The following RPL5 variants were observed in gnomAD, a reference collection of about 807,000 sequenced individuals.
RPL5 encodes the protein ribosomal protein L5, also known as large ribosomal subunit protein uL18.
A neutral mutation model predicts 38.4 loss-of-function variants in RPL5; 1 was observed. That is an observed-to-expected ratio of 0.03 (90% CI 0.01 to 0.12). RPL5 has a LOEUF of 0.12. Among genes scored for constraint, RPL5 ranks in the 10% least tolerant of loss-of-function variants. RPL5 has a pLI of 1.00. For synonymous variants in RPL5, 109 were observed against 121.2 expected (o/e 0.90, Z 0.66); for missense variants, 243 against 374.1 (o/e 0.65, Z 2.89).
intron 1 of RPL5, 130 bp from the exon 2 acceptor site, chr1:92,833,259 G>C: frequency 1.3e-6 from 1 of 762,806 alleles, no homozygotes; most frequent in Admixed American, 2.3e-5. Flanking sequence ...TGTGAAACCT[G>C]GGATTCTACA....
At chr1:92,838,087 A>G (rs1006909223) in intron 6 of RPL5, among the ~76,000 whole-genome samples, 7 of 152,186 alleles carry the variant, frequency 4.6e-5, no homozygotes, top group African/African-American at 1.7e-4. Flanking sequence ...ATGAGTCCCA[A>G]AGTGCTGGGC....
chr1:92,833,216 G>A, intron 1 of RPL5, 173 bp from the exon 2 acceptor site: 1 of 655,178 alleles, frequency 1.5e-6, no homozygotes, highest in Non-Finnish European at 2.8e-6. Flanking sequence ...TGACATGGAA[G>A]GTAGAGGAAA....
intron 7 of RPL5, chr1:92,840,858 C>T (rs750367300): frequency 7.6e-6 from 5 of 655,456 alleles, no homozygotes; most frequent in African/African-American, 1.8e-5. Context: ...AGTCTAAGTA[C>T]TGGTTACTGC....
Position 92,836,238 on chromosome 1 carries a change from G to A in RPL5, c.373G>A (p.Val125Met). 1.2e-6 allele frequency: 2 copies of A among 1,613,388 alleles called. No homozygotes were observed. Among genetic ancestry groups the A allele is most frequent in the South Asian group, 2.2e-5 (2 of 91,050 alleles). The change falls in exon 5 of 8, where the codon GTG becomes ATG. Residue 125 changes from valine to methionine, a missense_variant. Physicochemically the swap from Val to Met is conservative, Grantham distance 21. Transcript: ENST00000370321. ...CAAGATCTATGAAGGCCAAGTGGAGGTGACTGGTGATGAATACAATGTGGA... is the reference window on the plus strand; with the variant it reads ...CAAGATCTATGAAGGCCAAGTGGAGATGACTGGTGATGAATACAATGTGGA... Reference protein sequence around the residue: ...MDKIYEGQVEVTGDEYNVESI... With the variant: ...MDKIYEGQVEMTGDEYNVESI...
chr1:92,832,578 T>G (rs1686952294), intron 1 of RPL5, among the ~76,000 whole-genome samples: 1 of 152,086 alleles, frequency 6.6e-6, no homozygotes, highest in Admixed American at 6.5e-5. Flanking sequence ...AAGTCTTAGA[T>G]TTAGGAAGCT....
Position 92,833,559 on chromosome 1 carries a change from T to C in RPL5, c.88T>C (p.Tyr30His), listed in dbSNP as rs748318627. The C allele has an allele frequency of 6.2e-7, 1 of 1,613,860 alleles. No individual in the cohort carries two copies. Among genetic ancestry groups the C allele is most frequent in the East Asian group, 2.2e-5 (1 of 44,876 alleles). ...TTTTCTTTCAGAGGGTAAAACTGAT[T>C]ATTATGCTCGGAAACGCTTGGTGAT... The part of the protein sequence containing the change: ...FRRRREGKTD[Y>H]YARKRLVIQD... Residue 30 changes from tyrosine to histidine, a missense_variant, in exon 3 of 8, where the codon TAT becomes CAT. By Grantham distance (83) the Tyr-to-His change is moderately conservative (BLOSUM62 2). Coordinates refer to ENST00000370321, the MANE Select transcript of RPL5 (RefSeq NM_000969.5).
chr1:92,839,393 C>A (rs996227696), intron 6 of RPL5, among the ~76,000 whole-genome samples: 1 of 152,086 alleles, frequency 6.6e-6, no homozygotes, highest in Non-Finnish European at 1.5e-5. Context: ...AATATCTGAT[C>A]GGTTGGCTTT....
intron 1 of RPL5, chr1:92,832,804 T>G (rs1193673167): frequency 5.2e-6 from 3 of 573,840 alleles, no homozygotes; most frequent in Non-Finnish European, 6.2e-6. Context: ...CAGTGCTGTT[T>G]TAGTGGGGGA....
At chr1:92,836,519 A>C in intron 5 of RPL5, 127 bp downstream of exon 5, 1 of 818,382 alleles carries the variant, frequency 1.2e-6, no homozygotes, top group South Asian at 1.4e-5. Context: ...CCTAGGTACC[A>C]TGCAGGAGGA....
intron 6 of RPL5, among the ~76,000 whole-genome samples, chr1:92,838,157 T>C (rs747500361): frequency 2.0e-5 from 3 of 152,232 alleles, no homozygotes; most frequent in Non-Finnish European, 2.9e-5. Context: ...GTAGCTTCTA[T>C]TTTGGCATAG....
intron 5 of RPL5, chr1:92,837,069 G>A (rs1041610359): frequency 3.0e-6 from 1 of 329,124 alleles, no homozygotes; most frequent in African/African-American, 2.2e-5. Context: ...TACACCAAGA[G>A]CATTCTCACT....
intron 5 of RPL5, 160 bp from the exon 6 acceptor site, chr1:92,837,293 AATG>A (rs1158626405): frequency 1.3e-6 from 1 of 782,398 alleles, no homozygotes; most frequent in Non-Finnish European, 2.4e-6. Flanking sequence ...TGAGCTGCTG[AATG>A]ATGATATCCC....
At position 92,835,660 on chromosome 1, in the gene RPL5, CAAAAAAA is replaced by C. The variant is rs11417383; in HGVS notation, c.325-517_325-511del. Among the ~76,000 whole-genome samples the C allele has an allele frequency of 1.2e-4, 15 of 123,402 alleles. No individual in the cohort carries two copies. The Admixed American group carries it at 1.3e-3, about 11-fold the overall frequency. 81.0% of individuals were successfully genotyped at this position (123,402 alleles called of 152,430 possible). A position where few individuals can be genotyped will look rare whatever the true frequency, so the allele number is the denominator to read the frequency against. On this transcript the variant is annotated intron_variant, in intron 4 of 7. Coordinates refer to ENST00000370321, the MANE Select transcript of RPL5 (RefSeq NM_000969.5). ...GGGCAACAAGAGCGAAACTGTGTCTCAAAAAAAAAAAAAAAAAAATGAGAATCTTAGT... is the reference window on the plus strand; with the variant it reads ...GGGCAACAAGAGCGAAACTGTGTCTCAAAAAAAAAAAATGAGAATCTTAGT...
Position 92,836,244 on chromosome 1 carries a change from G to A in RPL5, c.379G>A (p.Gly127Ser). ...KIYEGQVEVTGDEYNVESIDG... is the reference protein window; with the variant it reads ...KIYEGQVEVTSDEYNVESIDG... ...CTATGAAGGCCAAGTGGAGGTGACT[G>A]GTGATGAATACAATGTGGAAAGCAT... is the stretch of plus-strand genomic sequence containing the variant. Residue 127 changes from glycine to serine, a missense_variant, in exon 5 of 8, where the codon GGT (glycine) becomes AGT (serine). By Grantham distance (56) the Gly-to-Ser change is moderately conservative (BLOSUM62 0). Coordinates refer to ENST00000370321, the MANE Select transcript of RPL5 (RefSeq NM_000969.5). 6.2e-6 allele frequency: 10 copies of A among 1,613,522 alleles called. No homozygotes were observed. The highest frequency in any genetic ancestry group is 1.3e-5 in the African/African-American group (1 of 75,032).
At chr1:92,832,241 A>C (rs1170032590) in intron 1 of RPL5, 124 bp downstream of exon 1, 1 of 1,483,908 alleles carries the variant, frequency 6.7e-7, no homozygotes, top group Non-Finnish European at 9.2e-7. Flanking sequence ...GCTAGCTCTG[A>C]CTTGGTCGAG....
intron 3 of RPL5, chr1:92,833,960 T>A: frequency 1.6e-5 from 6 of 371,810 alleles, no homozygotes; most frequent in South Asian, 1.4e-4. Flanking sequence ...GTAAGAAAAT[T>A]AGCTGGGCAT....
At chr1:92,840,983 C>T in intron 7 of RPL5, 1 of 410,842 alleles carries the variant, frequency 2.4e-6, no homozygotes, top group Non-Finnish European at 4.7e-6. Flanking sequence ...TGATGGCCCA[C>T]AAATACAATG....
chr1:92,840,518 A>C (rs577883750), intron 6 of RPL5, 33 bp from the exon 7 acceptor site: 1 of 1,531,694 alleles, frequency 6.5e-7, no homozygotes, highest in Admixed American at 1.7e-5. Context: ...ACATGAAATG[A>C]AACCAAGTAC....
chr1:92,832,325 G>A, intron 1 of RPL5: 2 of 746,166 alleles, frequency 2.7e-6, no homozygotes, highest in South Asian at 3.1e-5. Flanking sequence ...GGCGAAGAAG[G>A]GTTGCGTGAG....
Sources: gnomAD v4.1 joint callset for allele counts (sites outside exome capture counted in the v4.1 genomes callset) on GRCh38, gnomAD v4.1.1 for gene constraint, MANE v1.5 for transcripts, NCBI Gene and HGNC (gene_info 2026-07-23, HGNC 2026-07-21) for gene names.